The following MED12L variants were observed in gnomAD, a reference collection of about 807,000 sequenced individuals.
MED12L encodes the protein mediator complex subunit 12L, also known as mediator of RNA polymerase II transcription subunit 12-like protein.
A neutral mutation model predicts 281.3 loss-of-function variants in MED12L; 60 were observed. The observed-to-expected ratio is 0.21, with a 90% CI of 0.17 to 0.26. The LOEUF (loss-of-function observed/expected upper bound fraction) is 0.26. MED12L is among the 10% of genes least tolerant of loss of function. The pLI is 1.00. For missense variants in MED12L, 2,146 were observed against 2,680.9 expected (o/e 0.80, Z 4.41); for synonymous variants, 974 against 987.2 (o/e 0.99, Z 0.25).
chr3:151,199,376 C>T, intron 16 of MED12L: 1 of 1,607,388 alleles, frequency 6.2e-7, no homozygotes, highest in Non-Finnish European at 8.5e-7. Flanking sequence ...GAAGAACGAA[C>T]TGTTTGTCAT....
intron 16 of MED12L, chr3:151,328,695 C>T: frequency 6.2e-7 from 1 of 1,613,990 alleles, no homozygotes; most frequent in Non-Finnish European, 8.5e-7. Context: ...TAAAATATCA[C>T]CGAAGAAAAA....
chr3:151,121,307 A>T (rs941652684), intron 3 of MED12L, among the ~76,000 whole-genome samples: 1 of 152,238 alleles, frequency 6.6e-6, no homozygotes, highest in Non-Finnish European at 1.5e-5. Context: ...AGTTGTTTGT[A>T]TAAAAAAAAG....
At chr3:151,139,003 G>A (rs57250590) in intron 5 of MED12L, among the ~76,000 whole-genome samples, 11,465 of 99,068 alleles carry the variant, frequency 0.12, 943 homozygotes, top group African/African-American at 0.34. Flanking sequence ...CTACCTACCT[G>A]CCTACCTACC....
chr3:151,141,187 G>GTTTTTTTGTTTGTT lies in MED12L; in HGVS notation c.556+13210_556+13211insGTTTGTTTTTTTTT, dbSNP rs376743895. On this transcript the variant is annotated intron_variant, in intron 5 of 44. Coordinates refer to ENST00000687756, the MANE Select transcript of MED12L (RefSeq NM_001393769.1). ...TGGCGTTTTTTTTTTTGTTTTTTTT[G>GTTTTTTTGTTTGTT]TTTTTTTTTTTTTGTTAGTAGAGAC... Among the ~76,000 whole-genome samples, 17 of 99,124 alleles carry GTTTTTTTGTTTGTT rather than the reference G, an allele frequency of 1.7e-4. 1 individual carries two copies. The highest frequency in any genetic ancestry group is 6.4e-4 in the Admixed American group (6 of 9,328). The allele number at this position is 99,124 out of a possible 152,430, so 65.0% of individuals were successfully genotyped here.
At chr3:151,395,689 T>C (rs1030465146) in intron 39 of MED12L, among the ~76,000 whole-genome samples, 1 of 152,258 alleles carries the variant, frequency 6.6e-6, no homozygotes, top group African/African-American at 2.4e-5. Context: ...CTAAGCACTT[T>C]AGATGTATTA....
At chr3:151,369,809 TA>T (rs2107991074) in intron 26 of MED12L, among the ~76,000 whole-genome samples, 1 of 152,306 alleles carries the variant, frequency 6.6e-6, no homozygotes, top group East Asian at 1.9e-4. Context: ...CATTCTGATG[TA>T]AAATAGGTCC....
At chr3:151,334,196 C>CTTT (rs71138494) in intron 16 of MED12L, among the ~76,000 whole-genome samples, 1 of 118,230 alleles carries the variant, frequency 8.5e-6, no homozygotes, top group Non-Finnish European at 1.7e-5. Context: ...TTCTTTCTTT[C>CTTT]TTTTTTTTTT....
rs1491270111 is a variant in MED12L at position 151,435,624 on chromosome 3, T to TTAAA, written c.*2823_*2824insATAA. 2.0e-5 allele frequency: 3 copies of TTAAA among 151,604 alleles called. No homozygotes were observed. Among genetic ancestry groups the TTAAA allele is most frequent in the Admixed American group, 6.6e-5 (1 of 15,220 alleles). The allele number at this position is 151,604 out of a possible 1,614,324, so 9.4% of individuals were successfully genotyped here. On this transcript the variant is annotated 3_prime_UTR_variant, in exon 45 of 45. Transcript: ENST00000687756. ...CCCATTTATAAAGCTCCTATAATTC[T>TTAAA]TAAGTAAGTACTAGGTGAATGTTTG... is the stretch of plus-strand genomic sequence containing the variant.
intron 1 of MED12L, 121 bp from the exon 2 acceptor site, chr3:151,086,677 C>A: frequency 2.8e-6 from 1 of 361,228 alleles, no homozygotes; most frequent in Non-Finnish European, 5.0e-6. Context: ...CCGCCGCCAC[C>A]GGAGCGGTGC....
At chr3:151,272,088 G>C (rs1332265532) in intron 16 of MED12L, among the ~76,000 whole-genome samples, 1 of 152,208 alleles carries the variant, frequency 6.6e-6, no homozygotes, top group East Asian at 1.9e-4. Context: ...AGATTGTAAT[G>C]TGTGTGTAAA....
intron 2 of MED12L, among the ~76,000 whole-genome samples, chr3:151,114,646 G>C (rs770366733): frequency 2.0e-5 from 3 of 152,260 alleles, no homozygotes; most frequent in Non-Finnish European, 2.9e-5. Context: ...AGGGGAGCAG[G>C]AGGTAGCTTC....
intron 4 of MED12L, among the ~76,000 whole-genome samples, chr3:151,127,019 C>G (rs951467272): frequency 6.6e-6 from 1 of 152,112 alleles, no homozygotes; most frequent in Admixed American, 6.5e-5. Flanking sequence ...CTAATATAGT[C>G]TTTGTTCACT....
intron 16 of MED12L, among the ~76,000 whole-genome samples, chr3:151,293,770 T>C (rs1308250469): frequency 6.6e-6 from 1 of 152,168 alleles, no homozygotes. Context: ...GCCAAAGATC[T>C]TAGTTTATAG....
chr3:151,421,704 T>C (rs1718268043), intron 43 of MED12L, among the ~76,000 whole-genome samples: 1 of 152,182 alleles, frequency 6.6e-6, no homozygotes, highest in Non-Finnish European at 1.5e-5. Flanking sequence ...CCACCATGCC[T>C]GGCAAGAAAA....
chr3:151,365,675 T>C lies in MED12L; in HGVS notation c.3186-175T>C, dbSNP rs549204251. 2.6e-5 allele frequency among the ~76,000 whole-genome samples: 4 copies of C among 152,366 alleles called. No individual in the cohort carries two copies. In the South Asian group the frequency reaches 8.3e-4, roughly 32 times the overall value. ...GCATTGTCAAAAATATTTGAAGCCA[T>C]TGTTATCTTCTTCTCAAGGTTCTAC... On this transcript the variant is annotated intron_variant, in intron 22 of 44. Transcript: ENST00000687756.
intron 27 of MED12L, among the ~76,000 whole-genome samples, chr3:151,373,347 A>G (rs1356600476): frequency 6.6e-6 from 1 of 152,146 alleles, no homozygotes; most frequent in Non-Finnish European, 1.5e-5. Flanking sequence ...GTTAATTTTG[A>G]TTAAGATGTT....
At chr3:151,364,065 T>C (rs929422271) in intron 21 of MED12L, among the ~76,000 whole-genome samples, 1 of 152,148 alleles carries the variant, frequency 6.6e-6, no homozygotes, top group African/African-American at 2.4e-5. Context: ...AAACTTAATC[T>C]ATAAAACAGA....
In MED12L at chr3:151,246,176, G is replaced by A. The variant is rs1453364036; in HGVS notation, c.2250+52510G>A. ...CTCATGGGTAGGAAGAATAAATATC[G>A]TGAAAATGGCCATACTGCTCAAGGT... On this transcript the variant is annotated intron_variant, in intron 16 of 44. Transcript: ENST00000687756. 8.5e-5 allele frequency among the ~76,000 whole-genome samples: 13 copies of A among 152,206 alleles called. No individual in the cohort carries two copies. In the East Asian group the frequency reaches 1.2e-3, roughly 14 times the overall value.
intron 16 of MED12L, among the ~76,000 whole-genome samples, chr3:151,288,889 C>CAGTCATCTCACTT (rs1459373405): frequency 1.3e-5 from 2 of 152,178 alleles, no homozygotes; most frequent in African/African-American, 4.8e-5. Context: ...CAGGAGTGGC[C>CAGTCATCTCACTT]AGTCATCTCA....
Sources: gnomAD v4.1 joint callset for allele counts (sites outside exome capture counted in the v4.1 genomes callset) on GRCh38, gnomAD v4.1.1 for gene constraint, MANE v1.5 for transcripts, NCBI Gene and HGNC (gene_info 2026-07-23, HGNC 2026-07-21) for gene names.